ABTB2: variants seen among roughly 807,000 people sequenced by gnomAD.
The protein encoded by ABTB2 is ankyrin repeat and BTB/POZ domain-containing protein 2.
In ABTB2, 56 loss-of-function variants were observed where a neutral mutation model predicts 104.1. The observed-to-expected ratio is 0.54, with a 90% CI of 0.43 to 0.67. The LOEUF is 0.67. Ranked by LOEUF, ABTB2 falls within the 30% of genes least tolerant of loss-of-function variation. The pLI is 0.00. For missense variants in ABTB2, 1,279 were observed against 1,407.7 expected (o/e 0.91, Z 1.46); for synonymous variants, 606 against 608.2 (o/e 1.00, Z 0.05).
intron 13 of ABTB2, 90 bp downstream of exon 13, chr11:34,159,816 G>T: frequency 1.9e-6 from 2 of 1,035,806 alleles, no homozygotes; most frequent in Non-Finnish European, 3.0e-6. Context: ...GCAGGGTACA[G>T]CCCCAGCGAG....
At position 34,162,609 on chromosome 11, in the gene ABTB2, A is replaced by G; in HGVS notation, c.2185T>C (p.Tyr729His). 1 of 1,613,668 alleles carries G rather than the reference A, an allele frequency of 6.2e-7. No individual in the cohort carries two copies. Among genetic ancestry groups the G allele is most frequent in the Non-Finnish European group, 8.5e-7 (1 of 1,180,006 alleles). The change falls in exon 10 of 17, where the codon TAC (tyrosine) becomes CAC (histidine). Residue 729 changes from tyrosine (Y) to histidine (H), a missense_variant. Physicochemically the swap from Tyr to His is moderately conservative, Grantham distance 83. Transcript: ENST00000435224. ...EAMYYSAEHG[Y>H]VDITMELRAL... Reference sequence around the variant, plus strand: ...CTCAGCTCCATGGTGATGTCCACGTAGCCGTGCTCAGCGCTGTAGTACATG... The same window carrying G: ...CTCAGCTCCATGGTGATGTCCACGTGGCCGTGCTCAGCGCTGTAGTACATG...
At position 34,223,487 on chromosome 11, in the gene ABTB2, T is replaced by C. The variant is rs116545520; in HGVS notation, c.884-18797A>G. ...CGTAATCATCATTAGGAGCGTAGGC[T>C]GCTGCTACCTCCCTCCCAACCACAC... is the stretch of plus-strand genomic sequence containing the variant. On this transcript the variant is annotated intron_variant, in intron 1 of 16. Coordinates refer to ENST00000435224, the MANE Select transcript of ABTB2 (RefSeq NM_145804.3). 6.3e-3 allele frequency among the ~76,000 whole-genome samples: 953 copies of C among 152,298 alleles called. 12 individuals are homozygous for C. Among genetic ancestry groups the C allele is most frequent in the African/African-American group, 0.021 (879 of 41,560 alleles).
intron 1 of ABTB2, among the ~76,000 whole-genome samples, chr11:34,257,277 G>C (rs1385368355): frequency 1.3e-5 from 2 of 152,136 alleles, no homozygotes; most frequent in African/African-American, 4.8e-5. Context: ...AGGAAGATGT[G>C]GCTCTATGGC....
intron 2 of ABTB2, among the ~76,000 whole-genome samples, chr11:34,202,317 G>A (rs562858949): frequency 3.3e-5 from 5 of 152,274 alleles, no homozygotes; most frequent in Middle Eastern, 3.4e-3. Context: ...TGCAGGCAGA[G>A]GGAAAGCCAG....
At chr11:34,243,603 A>C (rs1281034080) in intron 1 of ABTB2, among the ~76,000 whole-genome samples, 4 of 152,268 alleles carry the variant, frequency 2.6e-5, no homozygotes, top group African/African-American at 9.6e-5. Context: ...TCCTAGTCTT[A>C]CGCGATTTTA....
rs777623868 is a variant in ABTB2 at position 34,154,844 on chromosome 11, C to T, written c.2698-75G>A. On this transcript the variant is annotated intron_variant, in intron 14 of 16. Coordinates refer to ENST00000435224, the MANE Select transcript of ABTB2 (RefSeq NM_145804.3). This position sits in a 1 kb window ranked among gnomAD's most constrained non-coding sequence, Gnocchi z 4.9. The stretch of plus-strand genomic sequence containing the variant: ...AAGTCCTTGCCAGCCCCACAGGGTA[C>T]TGCTCCAGCTGCCGCCTCCAGGGGC... 6.9e-7 allele frequency: 1 copy of T among 1,458,578 alleles called. No individual in the cohort carries two copies. Among genetic ancestry groups the T allele is most frequent in the South Asian group, 1.2e-5 (1 of 84,666 alleles). 90.4% of individuals were successfully genotyped at this position (1,458,578 alleles called of 1,614,324 possible).
chr11:34,162,292 C>T (rs1266386810), intron 10 of ABTB2, among the ~76,000 whole-genome samples: 1 of 152,206 alleles, frequency 6.6e-6, no homozygotes, highest in East Asian at 1.9e-4. Flanking sequence ...GGGGAGGGGG[C>T]AGCGAAGCTC....
intron 1 of ABTB2, among the ~76,000 whole-genome samples, chr11:34,290,466 T>C (rs969760773): frequency 6.6e-6 from 1 of 152,200 alleles, no homozygotes; most frequent in African/African-American, 2.4e-5. Flanking sequence ...TAATCGAAGA[T>C]AGCAGATTGT....
rs887707050 is a variant in ABTB2, at chr11:34,170,334, T to C, written c.1563+572A>G. Among the ~76,000 whole-genome samples, 9 of 152,218 alleles carry C rather than the reference T, an allele frequency of 5.9e-5. No individual in the cohort carries two copies. In the East Asian group the frequency reaches 7.7e-4, roughly 13 times the overall value. ...AACATAGTAAATGCTATATAAATGGTAGCTGTTCACAGCAAAAGTAAAAAA... is the reference window on the plus strand; with the variant it reads ...AACATAGTAAATGCTATATAAATGGCAGCTGTTCACAGCAAAAGTAAAAAA... On this transcript the variant is annotated intron_variant, in intron 5 of 16. Coordinates refer to ENST00000435224, the MANE Select transcript of ABTB2 (RefSeq NM_145804.3).
chr11:34,192,280 A>G (rs143835706), intron 3 of ABTB2, among the ~76,000 whole-genome samples: 2,117 of 152,266 alleles, frequency 0.014, 59 homozygotes, highest in African/African-American at 0.049. Context: ...GAGACAGAGC[A>G]AGACCCTGTT....
At chr11:34,335,342 C>G in intron 1 of ABTB2, 1 of 945,928 alleles carries the variant, frequency 1.1e-6, no homozygotes, top group Non-Finnish European at 1.8e-6. Context: ...TAAAGTCAGC[C>G]CAATATCCCT....
At chr11:34,186,073 G>A (rs555128125) in intron 3 of ABTB2, among the ~76,000 whole-genome samples, 6 of 152,352 alleles carry the variant, frequency 3.9e-5, no homozygotes, top group South Asian at 4.1e-4. Flanking sequence ...GGAAGGAGGC[G>A]TGATGGAGAA....
At chr11:34,302,798 G>C (rs1854723155) in intron 1 of ABTB2, among the ~76,000 whole-genome samples, 1 of 152,196 alleles carries the variant, frequency 6.6e-6, no homozygotes. Context: ...AGTCAGAAGG[G>C]AAGCTGGGGC....
chr11:34,312,155 A>C (rs980272709), intron 1 of ABTB2, among the ~76,000 whole-genome samples: 3 of 148,940 alleles, frequency 2.0e-5, no homozygotes, highest in Admixed American at 6.6e-5. Flanking sequence ...AAAAAAAAAA[A>C]GAAAAAGAAA....
At chr11:34,353,254 A>C (rs2133130755) in intron 1 of ABTB2, among the ~76,000 whole-genome samples, 1 of 152,306 alleles carries the variant, frequency 6.6e-6, no homozygotes, top group Middle Eastern at 3.4e-3. Context: ...AAATTGAGGA[A>C]GATTTTCTAA....
rs1344528904 is a variant in ABTB2 at position 34,164,659 on chromosome 11, C to A, written c.1988+27G>T. On this transcript the variant is annotated intron_variant, in intron 9 of 16. Transcript: ENST00000435224. ...AGCTTAGTTCAGTGCCCTCATGTCA[C>A]ACAGGGTGGGAATCCCGGGCAGGTA... 2.0e-6 allele frequency: 3 copies of A among 1,469,038 alleles called. No individual in the cohort carries two copies. In the South Asian group the frequency reaches 4.4e-5, roughly 21 times the overall value. 91.0% of individuals were successfully genotyped at this position (1,469,038 alleles called of 1,614,324 possible). A position where few individuals can be genotyped will look rare whatever the true frequency, so the allele number is the denominator to read the frequency against.
chr11:34,228,803 G>C (rs7927282), intron 1 of ABTB2, among the ~76,000 whole-genome samples: 91,623 of 151,996 alleles, frequency 0.6, 27,940 homozygotes, highest in Non-Finnish European at 0.66. Context: ...TTATCTGTCT[G>C]TTTGGTTATA....
intron 3 of ABTB2, among the ~76,000 whole-genome samples, chr11:34,186,949 G>A (rs1853108896): frequency 6.6e-6 from 1 of 152,168 alleles, no homozygotes; most frequent in Admixed American, 6.5e-5. Flanking sequence ...TCCTGGGAGG[G>A]GAAGGGATTT....
At chr11:34,289,228 A>G (rs1334279637) in intron 1 of ABTB2, among the ~76,000 whole-genome samples, 1 of 152,220 alleles carries the variant, frequency 6.6e-6, no homozygotes, top group Non-Finnish European at 1.5e-5. Flanking sequence ...CAAAGTTCCT[A>G]TTCTATCTTG....
Sources: gnomAD v4.1 joint callset for allele counts (sites outside exome capture counted in the v4.1 genomes callset) on GRCh38, gnomAD v4.1.1 for gene constraint, Gnocchi (gnomAD v3.1) non-coding constraint, MANE v1.5 for transcripts, NCBI Gene and HGNC (gene_info 2026-07-23, HGNC 2026-07-21) for gene names.